Variants in PHF8 observed in about 807,000 individuals in gnomAD.
PHF8 encodes histone lysine demethylase PHF8.
A neutral mutation model predicts 74.4 loss-of-function variants in PHF8; 9 were observed. The ratio of observed to expected loss-of-function variants is 0.12; its 90% CI spans 0.07 to 0.21. The LOEUF (loss-of-function observed/expected upper bound fraction) is 0.21. Ranked by LOEUF, PHF8 falls within the 10% of genes least tolerant of loss-of-function variation. The probability of loss-of-function intolerance (pLI) is 1.00; values close to 1 mark genes in which losing one functional copy is unlikely to be tolerated. For missense variants in PHF8, 478 were observed against 816.6 expected (o/e 0.59, Z 5.05); for synonymous variants, 311 against 316.6 (o/e 0.98, Z 0.19).
chrX:53,990,240 A>C (rs1557100992), intron 14 of PHF8, among the ~76,000 whole-genome samples: 14 of 112,045 alleles, frequency 1.2e-4, no homozygotes. Context: ...CACTCAGCTA[A>C]GTTTCAGCAA....
chrX:53,966,055 CAAAA>C (rs2065180271), intron 18 of PHF8, among the ~76,000 whole-genome samples: 2 of 111,593 alleles, frequency 1.8e-5, no homozygotes, highest in Non-Finnish European at 3.8e-5. Flanking sequence ...GATGTCTTAA[CAAAA>C]AGAACAAAAA....
At chrX:53,953,125 T>C (rs1300398709) in intron 19 of PHF8, among the ~76,000 whole-genome samples, 5 of 106,268 alleles carry the variant, frequency 4.7e-5, no homozygotes, top group African/African-American at 6.9e-5. Flanking sequence ...CACACAAAAA[T>C]CACCCAGGCT....
intron 8 of PHF8, among the ~76,000 whole-genome samples, chrX:54,006,476 T>C (rs1462672759): frequency 9.0e-6 from 1 of 110,908 alleles, no homozygotes; most frequent in Non-Finnish European, 1.9e-5. Flanking sequence ...AATGAGATTC[T>C]GTCTCAAAAA....
chrX:54,000,525 T>C (rs1486234021), intron 10 of PHF8, among the ~76,000 whole-genome samples: 1 of 112,667 alleles, frequency 8.9e-6, no homozygotes, highest in Non-Finnish European at 1.9e-5. Flanking sequence ...GAGCAGTTAG[T>C]CATCCAGCAT....
At chrX:54,004,726 T>C (rs781912728) in intron 8 of PHF8, among the ~76,000 whole-genome samples, 2 of 110,200 alleles carry the variant, frequency 1.8e-5, no homozygotes, top group South Asian at 7.7e-4. Flanking sequence ...GTCAGGAGCT[T>C]CAGACCAGCC....
chrX:53,962,945 G>A lies in PHF8; in HGVS notation c.2444-6C>T. The A allele has an allele frequency of 1.8e-6, 2 of 1,085,037 alleles. No homozygotes were observed. Among genetic ancestry groups the A allele is most frequent in the East Asian group, 3.0e-5 (1 of 33,270 alleles). 89.4% of individuals were successfully genotyped at this position (1,085,037 alleles called of 1,213,427 possible). A position where few individuals can be genotyped will look rare whatever the true frequency, so the allele number is the denominator to read the frequency against. On this transcript the variant is annotated splice_region_variant and splice_polypyrimidine_tract_variant and intron_variant, in intron 18 of 21. Transcript: ENST00000338154. ...AGACTCCAGTGAAGGATAGACTGCA[G>A]GGAGAAGGGAAAACAGGGTAAAATG...
chrX:53,945,884 T>C (rs2064826204), intron 19 of PHF8, among the ~76,000 whole-genome samples: 2 of 112,512 alleles, frequency 1.8e-5, no homozygotes, highest in Middle Eastern at 4.6e-3. Flanking sequence ...ACTTGATACA[T>C]AGCACATACC....
chrX:53,940,572 A>G, intron 20 of PHF8, 56 bp from the exon 21 acceptor site: 2 of 869,520 alleles, frequency 2.3e-6, no homozygotes, highest in South Asian at 2.1e-5. Flanking sequence ...ACAAGTTCCC[A>G]GGAAAGGAAC....
intron 14 of PHF8, among the ~76,000 whole-genome samples, chrX:53,988,445 A>G (rs145947798): frequency 9.0e-6 from 1 of 111,052 alleles, no homozygotes; most frequent in African/African-American, 3.3e-5. Context: ...TGTAAAACCT[A>G]AAACTATAAA....
intron 19 of PHF8, among the ~76,000 whole-genome samples, chrX:53,944,850 C>T (rs1427286944): frequency 1.8e-5 from 2 of 111,175 alleles, no homozygotes; most frequent in South Asian, 3.8e-4. Flanking sequence ...GCGAAAACTT[C>T]GTCTCTACTA....
At chrX:54,008,847 G>C (rs1269380084) in intron 8 of PHF8, among the ~76,000 whole-genome samples, 1 of 111,695 alleles carries the variant, frequency 9.0e-6, no homozygotes, top group Non-Finnish European at 1.9e-5. Context: ...TGAATAAAGA[G>C]TGACTGCTAA....
intron 2 of PHF8, among the ~76,000 whole-genome samples, chrX:54,037,000 T>TAAAAAAAAA (rs56902207): frequency 2.2e-4 from 14 of 62,865 alleles, no homozygotes; most frequent in East Asian, 4.9e-4. Flanking sequence ...TCAGAAAAAA[T>TAAAAAAAAA]AAAAAAAAAA....
chrX:54,044,931 G>T (rs1373249019), upstream of PHF8: 3 of 1,114,341 alleles, frequency 2.7e-6, no homozygotes, highest in Non-Finnish European at 1.2e-6. Context: ...CACGGTCTCT[G>T]CGTTGTTGGT....
At position 53,936,803 on chromosome X, in the gene PHF8, C is replaced by G. The variant is rs894348584; in HGVS notation, c.*2355G>C. The G allele has an allele frequency of 3.6e-5, 4 of 112,071 alleles. No homozygotes were observed. The highest frequency in any genetic ancestry group is 7.5e-5 in the Non-Finnish European group (4 of 53,153). 9.2% of individuals were successfully genotyped at this position (112,071 alleles called of 1,213,427 possible). ...AAACAACAGAGAAGTCTGAATGATG[C>G]TACCCTAACCTATTTATAAAAAGGC... On this transcript the variant is annotated 3_prime_UTR_variant, in exon 22 of 22. Coordinates refer to ENST00000338154, the MANE Select transcript of PHF8 (RefSeq NM_015107.3).
At position 54,043,748 on chromosome X, in the gene PHF8, C is replaced by A. The variant is rs1260656433; in HGVS notation, c.-93+14G>T. The A allele has an allele frequency of 1.5e-6, 1 of 662,675 alleles. No homozygotes were observed. The highest frequency in any genetic ancestry group is 1.8e-6 in the Non-Finnish European group (1 of 557,290). The allele number at this position is 662,675 out of a possible 1,213,427, so 54.6% of individuals were successfully genotyped here. A position where few individuals can be genotyped will look rare whatever the true frequency, so the allele number is the denominator to read the frequency against. The stretch of plus-strand genomic sequence containing the variant: ...AAAACTGACAGTAATAGCCTCGCAG[C>A]CCCCAAAACTTACAGGAATCTTAAC... On this transcript the variant is annotated intron_variant, in intron 1 of 21. Coordinates refer to ENST00000338154, the MANE Select transcript of PHF8 (RefSeq NM_015107.3).
At chrX:53,951,069 G>C (rs2064916174) in intron 19 of PHF8, among the ~76,000 whole-genome samples, 1 of 112,236 alleles carries the variant, frequency 8.9e-6, no homozygotes, top group Non-Finnish European at 1.9e-5. Context: ...TCACCAAACA[G>C]AGAATACCAA....
chrX:54,022,332 T>C lies in PHF8; in HGVS notation c.220A>G (p.Thr74Ala), dbSNP rs1557110237. The C allele has an allele frequency of 1.7e-6, 2 of 1,206,151 alleles. No homozygotes were observed. Among genetic ancestry groups the C allele is most frequent in the Non-Finnish European group, 1.1e-6 (1 of 890,352 alleles). ...GTCTTCACTGGTTTCCCCTTGTGTG[T>C]ATCATGCCCCTTTGAAGATCCACGG... is the stretch of plus-strand genomic sequence containing the variant. Reference protein sequence around the residue: ...KRRGSSKGHDTHKGKPVKTGS... With the variant: ...KRRGSSKGHDAHKGKPVKTGS... Residue 74 changes from threonine (T) to alanine (A), a missense_variant, in exon 4 of 22, where the codon ACA (threonine) becomes GCA (alanine). Thr to Ala is a moderately conservative substitution (Grantham distance 58). This residue lies in a region of PHF8 where 28 missense variants were observed against 33.4 expected (regional missense o/e 0.84). Transcript: ENST00000338154.
In PHF8 at chrX:54,007,670, C is replaced by T. The variant is rs375065036; in HGVS notation, c.946+3452G>A. 4.8e-4 allele frequency among the ~76,000 whole-genome samples: 54 copies of T among 112,175 alleles called. No homozygotes were observed. The East Asian group carries it at 9.8e-3, about 20-fold the overall frequency. ...AAAGATGTTAAACATCAAAGGTCAT[C>T]CAGAAAACAGAAATCAAAACCTCAA... On this transcript the variant is annotated intron_variant, in intron 8 of 21. Coordinates refer to ENST00000338154, the MANE Select transcript of PHF8 (RefSeq NM_015107.3).
intron 16 of PHF8, among the ~76,000 whole-genome samples, chrX:53,986,524 C>T (rs145858814): frequency 0.03 from 3,337 of 112,861 alleles, 124 homozygotes; most frequent in African/African-American, 0.1. Flanking sequence ...TGAGCCACCA[C>T]GCCCGGCCCA....
Sources: allele counts gnomAD v4.1 joint callset (sites outside exome capture counted in the v4.1 genomes callset), GRCh38; gene constraint gnomAD v4.1.1; regional missense constraint gnomAD v4.1.1; transcripts MANE v1.5; gene names NCBI Gene and HGNC (gene_info 2026-07-23, HGNC 2026-07-21).